Variants in JADE1 observed in about 807,000 individuals in gnomAD.
JADE1 encodes protein Jade-1.
JADE1 carries 14 observed loss-of-function variants against 81.8 expected under a neutral mutation model. The observed-to-expected ratio is 0.17, with a 90% confidence interval of 0.11 to 0.27. The LOEUF is 0.27. Ranked by LOEUF, JADE1 falls within the 10% of genes least tolerant of loss-of-function variation. The pLI, the probability that JADE1 is intolerant of heterozygous loss-of-function variation, is 1.00. For missense variants in JADE1, 690 were observed against 1,047.9 expected (o/e 0.66, Z 4.71); for synonymous variants, 353 against 391.9 (o/e 0.90, Z 1.17).
chr4:128,816,585 C>G (rs1727049476), intron 1 of JADE1: 1 of 152,190 alleles, frequency 6.6e-6, no homozygotes. Flanking sequence ...TTCCTCACCT[C>G]AAAGCACAAA....
At position 128,846,867 on chromosome 4, in the gene JADE1, CT is replaced by C; in HGVS notation, c.296+339del. Among the ~76,000 whole-genome samples, 1 of 152,268 alleles carries C rather than the reference CT, an allele frequency of 6.6e-6. No homozygotes were observed. The highest frequency in any genetic ancestry group is 3.4e-3 in the Middle Eastern group (1 of 294). On this transcript the variant is annotated intron_variant, in intron 4 of 10. Transcript: ENST00000226319. This position sits in a 1 kb window ranked among gnomAD's most constrained non-coding sequence, Gnocchi z 4.0. Reference sequence around the variant, plus strand: ...TTGGGTGTTCACACGTCTGCATCCTCTTTTCCTGCCCTCCGTATTCGCTCTG... The same window carrying C: ...TTGGGTGTTCACACGTCTGCATCCTCTTTCCTGCCCTCCGTATTCGCTCTG...
intron 1 of JADE1, among the ~76,000 whole-genome samples, chr4:128,816,084 C>T (rs1248131453): frequency 6.6e-6 from 1 of 150,964 alleles, no homozygotes; most frequent in Non-Finnish European, 1.5e-5. Flanking sequence ...TATCAGCAAT[C>T]TTAAATTAGG....
In JADE1 at chr4:128,874,624, T is replaced by C. The variant is rs1403135018; in HGVS notation, c.*2362T>C. On this transcript the variant is annotated 3_prime_UTR_variant, in exon 11 of 11. Coordinates refer to ENST00000226319, the MANE Select transcript of JADE1 (RefSeq NM_199320.4). ...TTCTCTGACAGTATAATGATAGCTT[T>C]GTGAGTTAGTTTCATGTCATGCTGG... 1.3e-5 allele frequency: 2 copies of C among 152,630 alleles called. No homozygotes were observed. Among genetic ancestry groups the C allele is most frequent in the Non-Finnish European group, 2.9e-5 (2 of 68,030 alleles). 9.5% of individuals were successfully genotyped at this position (152,630 alleles called of 1,614,324 possible).
At chr4:128,847,825 G>A (rs1456080622) in intron 4 of JADE1, among the ~76,000 whole-genome samples, 3 of 152,182 alleles carry the variant, frequency 2.0e-5, no homozygotes, top group African/African-American at 7.2e-5. Flanking sequence ...TAATATAAGG[G>A]TGATGAAGGT....
intron 9 of JADE1, among the ~76,000 whole-genome samples, chr4:128,866,290 C>T (rs1421624477): frequency 1.3e-5 from 2 of 152,016 alleles, no homozygotes; most frequent in African/African-American, 4.8e-5. Flanking sequence ...TAAAATAAGA[C>T]AGGAAATGTT....
chr4:128,855,215 A>G (rs528236476), intron 6 of JADE1, among the ~76,000 whole-genome samples: 1 of 152,350 alleles, frequency 6.6e-6, no homozygotes, highest in South Asian at 2.1e-4. Flanking sequence ...AAGTAGAGAA[A>G]TAGCTTCTCT....
chr4:128,858,494 C>G (rs1730986548), intron 8 of JADE1, among the ~76,000 whole-genome samples: 1 of 152,054 alleles, frequency 6.6e-6, no homozygotes, highest in Non-Finnish European at 1.5e-5. Context: ...GACATAAGCT[C>G]CGAGAGCATG....
At chr4:128,849,894 G>T (rs185679232) in intron 5 of JADE1, among the ~76,000 whole-genome samples, 125 of 152,260 alleles carry the variant, frequency 8.2e-4, no homozygotes, top group Admixed American at 2.9e-3. Flanking sequence ...AGTCAAGTCT[G>T]GGCTCAGTGT....
intron 8 of JADE1, among the ~76,000 whole-genome samples, chr4:128,860,210 G>T (rs1731206218): frequency 6.6e-6 from 1 of 152,136 alleles, no homozygotes; most frequent in Non-Finnish European, 1.5e-5. Context: ...GTGCGTGCTT[G>T]TGTGTGTGTT....
chr4:128,846,881 C>T lies in JADE1; in HGVS notation c.296+349C>T, dbSNP rs184150320. The stretch of plus-strand genomic sequence containing the variant: ...GTCTGCATCCTCTTTTCCTGCCCTC[C>T]GTATTCGCTCTGGAGAGTGGCTCTC... On this transcript the variant is annotated intron_variant, in intron 4 of 10. Transcript: ENST00000226319. This position sits in a 1 kb window ranked among gnomAD's most constrained non-coding sequence, Gnocchi z 4.0. Among the ~76,000 whole-genome samples the T allele has an allele frequency of 1.3e-3, 193 of 152,264 alleles. No individual in the cohort carries two copies. Among genetic ancestry groups the T allele is most frequent in the Middle Eastern group, 3.4e-3 (1 of 294 alleles).
intron 8 of JADE1, among the ~76,000 whole-genome samples, chr4:128,858,501 C>T (rs1730987739): frequency 6.6e-6 from 1 of 152,090 alleles, no homozygotes; most frequent in African/African-American, 2.4e-5. Context: ...GCTCCGAGAG[C>T]ATGGTCATCC....
chr4:128,857,501 G>A (rs1730893640), intron 8 of JADE1, 47 bp downstream of exon 8: 1 of 1,421,230 alleles, frequency 7.0e-7, no homozygotes, highest in Middle Eastern at 1.9e-4. Flanking sequence ...CCTGCGTGGT[G>A]GGGAGCAGGA....
intron 5 of JADE1, among the ~76,000 whole-genome samples, chr4:128,851,539 C>T (rs1730356419): frequency 6.6e-6 from 1 of 152,206 alleles, no homozygotes; most frequent in South Asian, 2.1e-4. Context: ...ACTGCATCTT[C>T]ACTACCTGAC....
At position 128,846,353 on chromosome 4, in the gene JADE1, G is replaced by A; in HGVS notation, c.139-22G>A. ...AAGAATGCAAATATCAAATGTCAGT[G>A]TCCCTTTCTCTTCCTTTCCAGGTGT... is the stretch of plus-strand genomic sequence containing the variant. On this transcript the variant is annotated intron_variant, in intron 3 of 10. Transcript: ENST00000226319. The surrounding 1 kb of genome is among the most constrained non-coding windows in gnomAD (Gnocchi z 4.0). 6.2e-7 allele frequency: 1 copy of A among 1,611,576 alleles called. No homozygotes were observed. Among genetic ancestry groups the A allele is most frequent in the Non-Finnish European group, 8.5e-7 (1 of 1,178,050 alleles).
intron 4 of JADE1, among the ~76,000 whole-genome samples, chr4:128,847,850 T>C (rs1427894451): frequency 6.6e-6 from 1 of 152,238 alleles, no homozygotes; most frequent in Non-Finnish European, 1.5e-5. Flanking sequence ...TGACAGACTC[T>C]GGGCAGCCTG....
rs1732358884 is a variant in JADE1, at chr4:128,873,445, A to AAAC, written c.*1184_*1186dup. ...ATAGGTTTTCTGTAGTCAGAGTTCT[A>AAAC]AACTCTAATTTGTAACTTGGACTTT... On this transcript the variant is annotated 3_prime_UTR_variant, in exon 11 of 11. Transcript: ENST00000226319. 1 of 152,644 alleles carries AAAC rather than the reference A, an allele frequency of 6.6e-6. No homozygotes were observed. Among genetic ancestry groups the AAAC allele is most frequent in the African/African-American group, 2.4e-5 (1 of 41,456 alleles). 9.5% of individuals were successfully genotyped at this position (152,644 alleles called of 1,614,324 possible).
intron 6 of JADE1, 32 bp downstream of exon 6, chr4:128,852,300 A>G (rs1730420068): frequency 6.3e-7 from 1 of 1,577,036 alleles, no homozygotes; most frequent in Non-Finnish European, 8.7e-7. Flanking sequence ...GAAAGAAGAA[A>G]CCTGGGGCAT....
chr4:128,815,191 C>CCCTGTAAGCTCCGCCTA (rs59857039), intron 1 of JADE1, among the ~76,000 whole-genome samples: 1 of 151,718 alleles, frequency 6.6e-6, no homozygotes, highest in Non-Finnish European at 1.5e-5. Flanking sequence ...AGCTCCGCCT[C>CCCTGTAAGCTCCGCCTA]GCGGGTTCAC....
intron 1 of JADE1, among the ~76,000 whole-genome samples, chr4:128,831,167 C>T (rs1301214419): frequency 1.3e-5 from 2 of 152,142 alleles, no homozygotes; most frequent in Non-Finnish European, 2.9e-5. Context: ...CCTTCCTGTT[C>T]CCTCTGTGGG....
Sources: allele counts gnomAD v4.1 joint callset (sites outside exome capture counted in the v4.1 genomes callset), GRCh38; gene constraint gnomAD v4.1.1; non-coding constraint Gnocchi (gnomAD v3.1); transcripts MANE v1.5; gene names NCBI Gene and HGNC (gene_info 2026-07-23, HGNC 2026-07-21).